NCKAP1L: variants seen among roughly 807,000 people sequenced by gnomAD.
NCKAP1L encodes NCK associated protein 1 like.
A neutral mutation model predicts 139.2 loss-of-function variants in NCKAP1L; 53 were observed. The ratio of observed to expected loss-of-function variants is 0.38; its 90% CI spans 0.31 to 0.48. The LOEUF (loss-of-function observed/expected upper bound fraction) is 0.48. Ranked by LOEUF, NCKAP1L falls within the 20% of genes least tolerant of loss-of-function variation. NCKAP1L has a pLI of 0.98. For missense variants in NCKAP1L, 1,151 were observed against 1,381.9 expected (o/e 0.83, Z 2.65); for synonymous variants, 468 against 499.7 (o/e 0.94, Z 0.85).
At chr12:54,541,991 T>C (rs1381119077) in intron 30 of NCKAP1L, among the ~76,000 whole-genome samples, 3 of 151,854 alleles carry the variant, frequency 2.0e-5, no homozygotes, top group Non-Finnish European at 4.4e-5. Context: ...TTGATCTATC[T>C]TCCTGCTTGG....
Position 54,547,181 on chromosome 12 carries a change from T to C in NCKAP1L, c.*4496T>C, listed in dbSNP as rs1592357749. ...GTGGAACAAGTATACCCAATTCTTA[T>C]CTGTTTAGAGACGCAGCAAGGTAGA... On this transcript the variant is annotated 3_prime_UTR_variant, in exon 31 of 31. Transcript: ENST00000293373. 6.6e-6 allele frequency: 1 copy of C among 152,220 alleles called. No individual in the cohort carries two copies. The highest frequency in any genetic ancestry group is 1.9e-4 in the East Asian group (1 of 5,168). 9.4% of individuals were successfully genotyped at this position (152,220 alleles called of 1,614,324 possible). A position where few individuals can be genotyped will look rare whatever the true frequency, so the allele number is the denominator to read the frequency against.
At chr12:54,512,246 T>C (rs1956894817) in intron 9 of NCKAP1L, 141 bp downstream of exon 9, 2 of 832,402 alleles carry the variant, frequency 2.4e-6, no homozygotes, top group South Asian at 1.9e-5. Context: ...ATTAAATACC[T>C]ACTATTAGCT....
chr12:54,542,922 G>T lies in NCKAP1L; in HGVS notation c.*237G>T. On this transcript the variant is annotated 3_prime_UTR_variant, in exon 31 of 31. Transcript: ENST00000293373. ...CTTATGGAAAAAGTTAGGGCGTGGG[G>T]CCACATGTGTGAATTTTACAATGAA... The T allele has an allele frequency of 2.2e-6, 1 of 447,344 alleles. No homozygotes were observed. Among genetic ancestry groups the T allele is most frequent in the Non-Finnish European group, 4.0e-6 (1 of 250,070 alleles). The allele number at this position is 447,344 out of a possible 1,614,324, so 27.7% of individuals were successfully genotyped here.
rs1197120524 is a variant in NCKAP1L at position 54,517,598 on chromosome 12, A to G, written c.1161A>G (p.Thr387=). 1.9e-6 allele frequency: 3 copies of G among 1,614,082 alleles called. No homozygotes were observed. Among genetic ancestry groups the G allele is most frequent in the East Asian group, 4.5e-5 (2 of 44,878 alleles). ...AGGTCACCTGGCTGGTTCGCCACAC[A>G]GAGAATGTCACCAAGACAAAGACAC... ...RDEVTWLVRH[T]ENVTKTKTPE... Residue 387 remains threonine (T), a synonymous_variant, in exon 12 of 31, where the codon ACA becomes ACG. Coordinates refer to ENST00000293373, the MANE Select transcript of NCKAP1L (RefSeq NM_005337.5).
At position 54,526,734 on chromosome 12, in the gene NCKAP1L, T is replaced by C; in HGVS notation, c.2363T>C (p.Leu788Pro). 6.2e-7 allele frequency: 1 copy of C among 1,613,726 alleles called. No homozygotes were observed. ...DSCGEQTITT[L>P]YTNWYLESLL... ...TGTGGGGAACAGACAATCACCACACTCTACACAAACTGGTCAGTGTTGCTT... is the reference window on the plus strand; with the variant it reads ...TGTGGGGAACAGACAATCACCACACCCTACACAAACTGGTCAGTGTTGCTT... Residue 788 changes from leucine to proline, a missense_variant, in exon 21 of 31, where the codon CTC becomes CCC. Transcript: ENST00000293373.
At chr12:54,532,087 C>CTT (rs35753004) in intron 25 of NCKAP1L, 83 bp from the exon 26 acceptor site, 860 of 876,664 alleles carry the variant, frequency 9.8e-4, no homozygotes, top group South Asian at 1.8e-3. Flanking sequence ...AGTGCCCCTC[C>CTT]TTTTTTTTTT....
rs759064510 is a variant in NCKAP1L at position 54,531,726 on chromosome 12, C to T, written c.2699-17C>T. ...CCTCTCTAAATTATCTTTTCTAACA[C>T]GCTTCTTTCTCCTCAGGGGCTGAAA... On this transcript the variant is annotated splice_polypyrimidine_tract_variant and intron_variant, in intron 24 of 30. Coordinates refer to ENST00000293373, the MANE Select transcript of NCKAP1L (RefSeq NM_005337.5). 42 of 1,609,570 alleles carry T rather than the reference C, an allele frequency of 2.6e-5. No homozygotes were observed. Among genetic ancestry groups the T allele is most frequent in the East Asian group, 1.3e-4 (6 of 44,728 alleles).
chr12:54,516,114 C>A, intron 9 of NCKAP1L, 125 bp from the exon 10 acceptor site: 1 of 858,986 alleles, frequency 1.2e-6, no homozygotes, highest in Non-Finnish European at 1.9e-6. Flanking sequence ...TGGAAAGATC[C>A]TGCCTGTGAG....
Position 54,536,265 on chromosome 12 carries a change from G to C in NCKAP1L, c.3073+20G>C. Reference sequence around the variant, plus strand: ...AGGATGGTAAGTAAGGGGTAGGTTTGAGACACCAGTGCTATTCAAGTTAGT... The same window carrying C: ...AGGATGGTAAGTAAGGGGTAGGTTTCAGACACCAGTGCTATTCAAGTTAGT... On this transcript the variant is annotated intron_variant, in intron 28 of 30. Transcript: ENST00000293373. The C allele has an allele frequency of 4.0e-6, 6 of 1,506,468 alleles. No homozygotes were observed. Among genetic ancestry groups the C allele is most frequent in the Non-Finnish European group, 5.5e-6 (6 of 1,083,562 alleles). The allele number at this position is 1,506,468 out of a possible 1,614,324, so 93.3% of individuals were successfully genotyped here. A position where few individuals can be genotyped will look rare whatever the true frequency, so the allele number is the denominator to read the frequency against.
intron 26 of NCKAP1L, among the ~76,000 whole-genome samples, chr12:54,532,546 C>T (rs1957081287): frequency 6.6e-6 from 1 of 152,110 alleles, no homozygotes. Context: ...CTGATATGAG[C>T]ACTGTGCAAA....
chr12:54,498,847 GCT>G, intron 1 of NCKAP1L: 1 of 982,954 alleles, frequency 1.0e-6, no homozygotes, highest in Non-Finnish European at 1.2e-6. Context: ...TTGTTATTTC[GCT>G]CTTAGATACT....
At chr12:54,523,568 T>G (rs1957003709) in intron 19 of NCKAP1L, 29 bp downstream of exon 19, 2 of 1,595,506 alleles carry the variant, frequency 1.3e-6, no homozygotes, top group Non-Finnish European at 1.7e-6. Context: ...GATGGCCAGC[T>G]GGGTACTGCA....
intron 17 of NCKAP1L, 90 bp downstream of exon 17, chr12:54,520,916 G>A (rs530507499): frequency 6.4e-7 from 1 of 1,566,308 alleles, no homozygotes; most frequent in South Asian, 1.1e-5. Context: ...TTTGGTCCCA[G>A]AAAGGGTATA....
intron 29 of NCKAP1L, among the ~76,000 whole-genome samples, chr12:54,538,362 T>C (rs1173436738): frequency 1.3e-5 from 2 of 152,210 alleles, no homozygotes; most frequent in Non-Finnish European, 2.9e-5. Flanking sequence ...GTTTGCTAAA[T>C]GCAGGTCACC....
chr12:54,511,007 C>T lies in NCKAP1L; in HGVS notation c.736-796C>T, dbSNP rs116431754. On this transcript the variant is annotated intron_variant, in intron 7 of 30. Coordinates refer to ENST00000293373, the MANE Select transcript of NCKAP1L (RefSeq NM_005337.5). ...GTTTGATGACTGTGGGCTCAAAGTCCTTCCCTCAAAGAACTTATAGTCTGG... is the reference window on the plus strand; with the variant it reads ...GTTTGATGACTGTGGGCTCAAAGTCTTTCCCTCAAAGAACTTATAGTCTGG... 6.4e-3 allele frequency among the ~76,000 whole-genome samples: 980 copies of T among 152,276 alleles called. 11 individuals are homozygous for T. Among genetic ancestry groups the T allele is most frequent in the African/African-American group, 0.022 (933 of 41,548 alleles).
chr12:54,512,186 T>TGGAGGTATAGG, intron 9 of NCKAP1L, 81 bp downstream of exon 9: 1 of 1,427,128 alleles, frequency 7.0e-7, no homozygotes, highest in South Asian at 1.3e-5. Context: ...TCCACAAGTG[T>TGGAGGTATAGG]TCCCAGATAT....
chr12:54,506,318 G>A (rs1956838910), intron 3 of NCKAP1L, among the ~76,000 whole-genome samples: 1 of 152,008 alleles, frequency 6.6e-6, no homozygotes, highest in Non-Finnish European at 1.5e-5. Flanking sequence ...ATTCCAGTGG[G>A]TGTGTCATGG....
Position 54,531,497 on chromosome 12 carries a change from G to T in NCKAP1L, c.2611G>T (p.Val871Leu). The T allele has an allele frequency of 6.2e-7, 1 of 1,614,206 alleles. No homozygotes were observed. Among genetic ancestry groups the T allele is most frequent in the South Asian group, 1.1e-5 (1 of 91,088 alleles). ...TSQIVELKKL[V>L]VENMDILVQI... The stretch of plus-strand genomic sequence containing the variant: ...CTGTGTTCCTGGACTACAGAAGCTG[G>T]TGGTGGAAAACATGGACATACTTGT... The change falls in exon 24 of 31, where the codon GTG becomes TTG. Residue 871 changes from valine to leucine, a missense_variant. Transcript: ENST00000293373.
chr12:54,521,929 G>A (rs1592346016), intron 18 of NCKAP1L, among the ~76,000 whole-genome samples: 1 of 151,574 alleles, frequency 6.6e-6, no homozygotes, highest in East Asian at 1.9e-4. Context: ...CAGATGCACA[G>A]TTACATTATT....
Sources: allele counts gnomAD v4.1 joint callset (sites outside exome capture counted in the v4.1 genomes callset), GRCh38; gene constraint gnomAD v4.1.1; transcripts MANE v1.5; gene names NCBI Gene and HGNC (gene_info 2026-07-23, HGNC 2026-07-21).